Variants in RNGTT observed in about 807,000 individuals in gnomAD.
RNGTT encodes RNA guanylyltransferase and 5'-phosphatase, also known as mRNA-capping enzyme.
Under a neutral mutation model 79.3 loss-of-function variants are expected in RNGTT, and 33 were observed. The ratio of observed to expected loss-of-function variants is 0.42; its 90% CI spans 0.32 to 0.56. The LOEUF (loss-of-function observed/expected upper bound fraction) is 0.56. Ranked by LOEUF, RNGTT falls within the 20% of genes least tolerant of loss-of-function variation. The pLI is 0.17. For synonymous variants in RNGTT, 222 were observed against 235.9 expected (o/e 0.94, Z 0.54); for missense variants, 497 against 739.1 (o/e 0.67, Z 3.80).
At chr6:88,953,811 C>T in intron 1 of RNGTT, among the ~76,000 whole-genome samples, 1 of 152,148 alleles carries the variant, frequency 6.6e-6, no homozygotes, top group African/African-American at 2.4e-5. Flanking sequence ...GGATTGGGGT[C>T]CCATCTTTAG....
At chr6:88,732,432 T>C (rs989788660) in intron 13 of RNGTT, among the ~76,000 whole-genome samples, 2 of 152,160 alleles carry the variant, frequency 1.3e-5, no homozygotes, top group Non-Finnish European at 2.9e-5. Flanking sequence ...GTACAGCCAC[T>C]GCAAAAAACA....
intron 13 of RNGTT, among the ~76,000 whole-genome samples, chr6:88,724,325 AC>A (rs752259547): frequency 6.6e-6 from 1 of 152,140 alleles, no homozygotes; most frequent in Non-Finnish European, 1.5e-5. Flanking sequence ...AATCTTTTGT[AC>A]CTTATTTTTA....
intron 12 of RNGTT, among the ~76,000 whole-genome samples, chr6:88,771,309 GTGTGTGTATATATATATATATATATATA>G (rs200948597): frequency 1.1e-5 from 1 of 87,348 alleles, no homozygotes; most frequent in African/African-American, 5.0e-5. Context: ...ATGTATGTGT[GTGTGTGTATATATATATATATATATATA>G]TATATATATA....
At chr6:88,938,026 T>A (rs1784725157) in intron 2 of RNGTT, among the ~76,000 whole-genome samples, 1 of 152,212 alleles carries the variant, frequency 6.6e-6, no homozygotes, top group African/African-American at 2.4e-5. Flanking sequence ...GGATGAAATG[T>A]TCTGTAAATG....
chr6:88,660,058 T>G (rs1034232570), intron 14 of RNGTT, among the ~76,000 whole-genome samples: 14 of 152,176 alleles, frequency 9.2e-5, no homozygotes. Context: ...AAATTAAGCT[T>G]CATAAATGAA....
chr6:88,753,488 A>G (rs1777905556), intron 13 of RNGTT, among the ~76,000 whole-genome samples: 1 of 151,832 alleles, frequency 6.6e-6, no homozygotes, highest in South Asian at 2.1e-4. Flanking sequence ...TAGGCAACAG[A>G]GTGAGACCCC....
chr6:88,643,304 G>A (rs957181756), intron 14 of RNGTT, among the ~76,000 whole-genome samples: 4 of 152,096 alleles, frequency 2.6e-5, no homozygotes, highest in Non-Finnish European at 5.9e-5. Context: ...AGTACTGAAA[G>A]GGAAAGAACG....
rs558047510 is a variant in RNGTT at position 88,828,085 on chromosome 6, C to T, written c.1269+16272G>A. On this transcript the variant is annotated intron_variant, in intron 11 of 15. Transcript: ENST00000369485. ...CTCAATTGGGTCCCTGACCCCAGTG[C>T]CTACTGACTGGGAGAGACCTCCCAG... 7.2e-5 allele frequency among the ~76,000 whole-genome samples: 11 copies of T among 152,304 alleles called. No homozygotes were observed. In the South Asian group the frequency reaches 2.3e-3, roughly 32 times the overall value.
In RNGTT at chr6:88,673,908, T is replaced by C. The variant is rs563463806; in HGVS notation, c.1506+4445A>G. On this transcript the variant is annotated intron_variant, in intron 14 of 15. Transcript: ENST00000369485. ...GCTCTAATAAAGAGAAACAGGATTTTCCAAATCATTGGACAGAAAAATATT... is the reference window on the plus strand; with the variant it reads ...GCTCTAATAAAGAGAAACAGGATTTCCCAAATCATTGGACAGAAAAATATT... 7.2e-5 allele frequency among the ~76,000 whole-genome samples: 11 copies of C among 152,314 alleles called. No individual in the cohort carries two copies. In the East Asian group the frequency reaches 1.9e-3, roughly 27 times the overall value.
intron 13 of RNGTT, among the ~76,000 whole-genome samples, chr6:88,749,403 G>A (rs754892154): frequency 6.6e-6 from 1 of 151,746 alleles, no homozygotes; most frequent in Non-Finnish European, 1.5e-5. Context: ...AGATGTGCGT[G>A]CTAAAATTTC....
At chr6:88,701,681 A>G (rs1775951038) in intron 13 of RNGTT, among the ~76,000 whole-genome samples, 1 of 152,136 alleles carries the variant, frequency 6.6e-6, no homozygotes, top group Non-Finnish European at 1.5e-5. Context: ...AAAGAATGCC[A>G]TGAATTAGGT....
intron 14 of RNGTT, among the ~76,000 whole-genome samples, chr6:88,662,962 C>T (rs1180997464): frequency 6.6e-6 from 1 of 152,164 alleles, no homozygotes; most frequent in Non-Finnish European, 1.5e-5. Context: ...TTCATTTTGA[C>T]TAGATTTGAA....
At chr6:88,694,411 C>A (rs138821317) in intron 13 of RNGTT, among the ~76,000 whole-genome samples, 1 of 151,850 alleles carries the variant, frequency 6.6e-6, no homozygotes, top group Admixed American at 6.6e-5. Context: ...AAGGCCTACA[C>A]ACGAAAAATT....
At chr6:88,738,900 C>T (rs544677353) in intron 13 of RNGTT, among the ~76,000 whole-genome samples, 1 of 151,262 alleles carries the variant, frequency 6.6e-6, no homozygotes, top group South Asian at 2.1e-4. Flanking sequence ...ATAATGCATT[C>T]ACATAAAAGA....
chr6:88,697,485 A>G (rs1775719562), intron 13 of RNGTT, among the ~76,000 whole-genome samples: 1 of 151,992 alleles, frequency 6.6e-6, no homozygotes, highest in Non-Finnish European at 1.5e-5. Flanking sequence ...TGGGAGGCGG[A>G]GCTTGTAGTG....
intron 4 of RNGTT, among the ~76,000 whole-genome samples, chr6:88,925,088 C>G (rs942261244): frequency 2.6e-5 from 4 of 151,756 alleles, no homozygotes; most frequent in Non-Finnish European, 4.4e-5. Flanking sequence ...ATTACAGCAA[C>G]TAATTACAGA....
At chr6:88,781,305 T>C (rs1237936683) in intron 12 of RNGTT, among the ~76,000 whole-genome samples, 1 of 152,174 alleles carries the variant, frequency 6.6e-6, no homozygotes, top group Non-Finnish European at 1.5e-5. Context: ...CAGGCTTATG[T>C]TATTCTATTA....
intron 11 of RNGTT, among the ~76,000 whole-genome samples, chr6:88,813,426 T>C (rs1165284741): frequency 1.3e-5 from 2 of 152,180 alleles, no homozygotes; most frequent in Non-Finnish European, 2.9e-5. Flanking sequence ...TGCCTTAAAG[T>C]CAGCACAGAG....
intron 13 of RNGTT, among the ~76,000 whole-genome samples, chr6:88,685,985 A>G (rs190361625): frequency 6.6e-6 from 1 of 151,734 alleles, no homozygotes; most frequent in East Asian, 1.9e-4. Flanking sequence ...GTTTAGAGGG[A>G]AAAAAGCTCA....
Sources: gnomAD v4.1 joint callset for allele counts (sites outside exome capture counted in the v4.1 genomes callset) on GRCh38, gnomAD v4.1.1 for gene constraint, MANE v1.5 for transcripts, NCBI Gene and HGNC (gene_info 2026-07-23, HGNC 2026-07-21) for gene names.